FREM1: variants seen among roughly 807,000 people sequenced by gnomAD.
FREM1 encodes the protein FRAS1 related extracellular matrix 1.
FREM1 carries 220 observed loss-of-function variants against 210.1 expected under a neutral mutation model. The observed-to-expected ratio is 1.05, with a 90% confidence interval of 0.94 to 1.17. The LOEUF (loss-of-function observed/expected upper bound fraction) is 1.17. Ranked by LOEUF, FREM1 falls within the 50% of genes most tolerant of loss-of-function variation. The probability of loss-of-function intolerance (pLI) is 0.00; values close to 1 mark genes in which losing one functional copy is unlikely to be tolerated. For synonymous variants in FREM1, 1,189 were observed against 980.2 expected (o/e 1.21, Z -3.98); for missense variants, 3,454 against 2,675.5 (o/e 1.29, Z -6.42).
At chr9:14,763,336 T>A (rs568406646) in intron 27 of FREM1, among the ~76,000 whole-genome samples, 7 of 152,282 alleles carry the variant, frequency 4.6e-5, no homozygotes, top group Admixed American at 1.3e-4. Flanking sequence ...CAAATGCTCC[T>A]TGGGAGAAAA....
At chr9:14,769,965 TA>T in intron 26 of FREM1, 97 bp from the exon 27 acceptor site, 1 of 593,806 alleles carries the variant, frequency 1.7e-6, no homozygotes, top group Non-Finnish European at 2.8e-6. Flanking sequence ...AACACAGCTT[TA>T]AAAAACAGCT....
chr9:14,780,719 T>C (rs1849526736), intron 24 of FREM1, among the ~76,000 whole-genome samples: 1 of 152,232 alleles, frequency 6.6e-6, no homozygotes, highest in African/African-American at 2.4e-5. Flanking sequence ...GAAAATCCTC[T>C]GCCACAGAAT....
At chr9:14,860,662 TACATATATACACACATATATAC>T (rs1829772751) in intron 3 of FREM1, among the ~76,000 whole-genome samples, 1 of 133,230 alleles carries the variant, frequency 7.5e-6, no homozygotes, top group Non-Finnish European at 1.5e-5. Flanking sequence ...TACACATATA[TACATATATACACACATATATAC>T]ACATATATAC....
intron 24 of FREM1, among the ~76,000 whole-genome samples, chr9:14,782,967 C>T (rs1849865548): frequency 6.6e-6 from 1 of 152,196 alleles, no homozygotes; most frequent in African/African-American, 2.4e-5. Flanking sequence ...TTCACTACTC[C>T]ATCTCTCAAA....
At chr9:14,886,384 C>CAAAAA (rs60702421) in intron 1 of FREM1, among the ~76,000 whole-genome samples, 36 of 59,778 alleles carry the variant, frequency 6.0e-4, no homozygotes, top group East Asian at 1.6e-3. Context: ...GACTCCGACT[C>CAAAAA]AAAAAAAAAA....
At chr9:14,774,511 ATCTCTCTCTCTCTCTC>A (rs36211636) in intron 25 of FREM1, among the ~76,000 whole-genome samples, 17,995 of 136,264 alleles carry the variant, frequency 0.13, 1,265 homozygotes, top group African/African-American at 0.18. Flanking sequence ...CCTAAAATAA[ATCTCTCTCTCTCTCTC>A]TCTCTCTCTC....
intron 10 of FREM1, among the ~76,000 whole-genome samples, chr9:14,826,072 A>C (rs907410551): frequency 6.6e-6 from 1 of 150,408 alleles, no homozygotes; most frequent in African/African-American, 2.4e-5. Flanking sequence ...GGCATCCAAG[A>C]CTTTCAATAT....
Position 14,846,044 on chromosome 9 carries a change from A to G in FREM1, c.1309T>C (p.Phe437Leu). The G allele has an allele frequency of 6.2e-7, 1 of 1,605,508 alleles. No homozygotes were observed. The highest frequency in any genetic ancestry group is 1.1e-5 in the South Asian group (1 of 89,434). Reference sequence around the variant, plus strand: ...ATGTCGTCATTGTCGACAACCTGAAACTGTTCCCAAGTGATGGCTCGAGAC... The same window carrying G: ...ATGTCGTCATTGTCGACAACCTGAAGCTGTTCCCAAGTGATGGCTCGAGAC... ...GQSRAITWEQ[F>L]QVVDNDDIGA... is the part of the protein sequence containing the mutation. Residue 437 changes from phenylalanine (F) to leucine (L), a missense_variant, in exon 8 of 37, where the codon TTT (phenylalanine) becomes CTT (leucine). Transcript: ENST00000380880.
At chr9:14,771,969 G>C (rs979077873) in intron 25 of FREM1, among the ~76,000 whole-genome samples, 1 of 151,660 alleles carries the variant, frequency 6.6e-6, no homozygotes, top group Non-Finnish European at 1.5e-5. Flanking sequence ...TATAGACATA[G>C]GCAAAAATCT....
In FREM1 at chr9:14,851,391, A is replaced by G. The variant is rs1274977264; in HGVS notation, c.1045T>C (p.Leu349=). 2 of 1,613,814 alleles carry G rather than the reference A, an allele frequency of 1.2e-6. No individual in the cohort carries two copies. The highest frequency in any genetic ancestry group is 1.7e-6 in the Non-Finnish European group (2 of 1,179,742). The stretch of plus-strand genomic sequence containing the variant: ...GAGGAGATTGGTCTGGTGTGATCCA[A>G]CAGGTGAGTCACATAGCCCTGGAGC... The part of the protein sequence containing the change: ...APLQGYVTHL[L]DHTRPISSFT... The change falls in exon 6 of 37, where the codon TTG becomes CTG. Residue 349 remains leucine, a synonymous_variant. Transcript: ENST00000380880.
intron 27 of FREM1, among the ~76,000 whole-genome samples, chr9:14,762,367 T>C (rs1269411848): frequency 1.3e-5 from 2 of 152,216 alleles, no homozygotes; most frequent in African/African-American, 4.8e-5. Context: ...TTGCTAATGC[T>C]AACCATGACA....
intron 1 of FREM1, among the ~76,000 whole-genome samples, chr9:14,883,674 T>C (rs1207234348): frequency 5.3e-5 from 8 of 152,242 alleles, no homozygotes; most frequent in Non-Finnish European, 1.2e-4. Context: ...GTCTTGTCTC[T>C]GACACAAAAT....
At chr9:14,845,259 T>C (rs1007562088) in intron 8 of FREM1, among the ~76,000 whole-genome samples, 1 of 152,224 alleles carries the variant, frequency 6.6e-6, no homozygotes, top group African/African-American at 2.4e-5. Flanking sequence ...ACTAATAACA[T>C]AACATCATTA....
intron 23 of FREM1, among the ~76,000 whole-genome samples, chr9:14,785,753 T>A (rs1274319016): frequency 6.6e-6 from 1 of 151,956 alleles, no homozygotes; most frequent in Non-Finnish European, 1.5e-5. Context: ...CACAGGACAA[T>A]GGTTGCCAGG....
At chr9:14,741,464 G>C (rs767873209) in intron 35 of FREM1, among the ~76,000 whole-genome samples, 49 of 152,182 alleles carry the variant, frequency 3.2e-4, no homozygotes, top group Non-Finnish European at 1.3e-4. Context: ...TAGACCGCTG[G>C]ATTGGGTTTT....
chr9:14,883,786 T>G (rs1463419058), intron 1 of FREM1, among the ~76,000 whole-genome samples: 1 of 152,210 alleles, frequency 6.6e-6, no homozygotes, highest in Admixed American at 6.5e-5. Context: ...AGCATAGGGC[T>G]AAGTCAGAGC....
intron 10 of FREM1, among the ~76,000 whole-genome samples, chr9:14,826,816 T>G (rs1038641702): frequency 2.0e-5 from 3 of 152,160 alleles, no homozygotes; most frequent in Admixed American, 1.3e-4. Flanking sequence ...GACACAGCAT[T>G]TGTTCCCTCT....
Position 14,846,019 on chromosome 9 carries a change from A to T in FREM1, c.1334T>A (p.Ile445Asn), listed in dbSNP as rs751389988. 6.2e-7 allele frequency: 1 copy of T among 1,612,362 alleles called. No individual in the cohort carries two copies. The highest frequency in any genetic ancestry group is 8.5e-7 in the Non-Finnish European group (1 of 1,179,146). The change falls in exon 8 of 37, where the codon ATT becomes AAT. Residue 445 changes from isoleucine to asparagine, a missense_variant. Ile to Asn is a moderately radical substitution (Grantham distance 149). Transcript: ENST00000380880. ...EQFQVVDNDD[I>N]GAVRLVTVGG... ...AACGGTGACTAGCCGGACAGCACCA[A>T]TGTCGTCATTGTCGACAACCTGAAA...
intron 22 of FREM1, among the ~76,000 whole-genome samples, chr9:14,791,325 G>C (rs149292801): frequency 6.6e-6 from 1 of 152,132 alleles, no homozygotes; most frequent in African/African-American, 2.4e-5. Flanking sequence ...TAAAACCCAG[G>C]TGACCTACCC....
Sources: gnomAD v4.1 joint callset for allele counts (sites outside exome capture counted in the v4.1 genomes callset) on GRCh38, gnomAD v4.1.1 for gene constraint, MANE v1.5 for transcripts, NCBI Gene and HGNC (gene_info 2026-07-23, HGNC 2026-07-21) for gene names.